Variants in ACTR3C observed in about 807,000 individuals in gnomAD.
ACTR3C encodes actin-related protein 3C.
ACTR3C carries 18 observed loss-of-function variants against 26.3 expected under a neutral mutation model. The observed-to-expected ratio is 0.68, with a 90% CI of 0.47 to 1.01. The LOEUF is 1.01. Among genes scored for constraint, ACTR3C ranks in the 50% least tolerant of loss-of-function variants. The pLI, the probability that ACTR3C is intolerant of heterozygous loss-of-function variation, is 0.00. For synonymous variants in ACTR3C, 55 were observed against 94.5 expected (o/e 0.58, Z 2.42); for missense variants, 184 against 250.7 (o/e 0.73, Z 1.80).
intron 1 of ACTR3C, among the ~76,000 whole-genome samples, chr7:150,304,091 G>A (rs188070100): frequency 1.6e-4 from 25 of 152,324 alleles, no homozygotes; most frequent in African/African-American, 6.0e-4. Context: ...TCAAGGAAGC[G>A]AGAATAGGAG....
the ACTR3C span, among the ~76,000 whole-genome samples, chr7:150,173,276 T>C: frequency 1.4e-5 from 2 of 147,042 alleles, no homozygotes; most frequent in Non-Finnish European, 2.9e-5. Flanking sequence ...AGGTGGAGGT[T>C]CCCAAACACA....
the ACTR3C span, among the ~76,000 whole-genome samples, chr7:150,142,457 C>T: frequency 6.6e-6 from 1 of 152,206 alleles, no homozygotes; most frequent in Non-Finnish European, 1.5e-5. Flanking sequence ...CCTCACTAAC[C>T]TCTTACACAG....
At chr7:150,203,042 T>C in the ACTR3C span, among the ~76,000 whole-genome samples, 1 of 152,240 alleles carries the variant, frequency 6.6e-6, no homozygotes, top group Admixed American at 6.5e-5. Flanking sequence ...AATTATTTAG[T>C]ACGTTACATA....
chr7:150,098,352 A>G, the ACTR3C span, among the ~76,000 whole-genome samples: 1 of 151,696 alleles, frequency 6.6e-6, no homozygotes, highest in Non-Finnish European at 1.5e-5. Context: ...TTAGTCATCT[A>G]CAAATTATAT....
the ACTR3C span, among the ~76,000 whole-genome samples, chr7:149,940,552 G>C: frequency 6.6e-6 from 1 of 152,150 alleles, no homozygotes; most frequent in Non-Finnish European, 1.5e-5. Context: ...TGCCCCTATA[G>C]TACTCTGGGC....
At chr7:150,307,945 C>T (rs1398119065) in intron 1 of ACTR3C, among the ~76,000 whole-genome samples, 1 of 152,174 alleles carries the variant, frequency 6.6e-6, no homozygotes, top group Non-Finnish European at 1.5e-5. Context: ...CTCTCCCTTC[C>T]CTTCATTTCC....
At chr7:149,950,595 G>T in the ACTR3C span, among the ~76,000 whole-genome samples, 1 of 150,924 alleles carries the variant, frequency 6.6e-6, no homozygotes, top group African/African-American at 2.5e-5. Flanking sequence ...CATCATAGAG[G>T]CAATCCCACA....
At chr7:150,251,352 C>T (rs372756244) in intron 6 of ACTR3C, among the ~76,000 whole-genome samples, 2 of 151,894 alleles carry the variant, frequency 1.3e-5, no homozygotes, top group African/African-American at 4.8e-5. Context: ...AAATTAACTG[C>T]GTTTTTTTCC....
chr7:150,124,783 T>TAAC, the ACTR3C span, among the ~76,000 whole-genome samples: 2,482 of 152,254 alleles, frequency 0.016, 68 homozygotes, highest in African/African-American at 0.057. Flanking sequence ...ACAGTAACAG[T>TAAC]AGCAACAAGA....
At chr7:149,913,589 A>T in the ACTR3C span, among the ~76,000 whole-genome samples, 1 of 152,002 alleles carries the variant, frequency 6.6e-6, no homozygotes, top group Non-Finnish European at 1.5e-5. Flanking sequence ...GAAACTCCGG[A>T]AACAGATTCC....
intron 1 of ACTR3C, among the ~76,000 whole-genome samples, chr7:150,315,290 C>T (rs1417724028): frequency 1.3e-5 from 2 of 152,032 alleles, no homozygotes; most frequent in Non-Finnish European, 2.9e-5. Context: ...TGATAAACTT[C>T]TGTCCTGCTA....
chr7:150,232,282 T>A, the ACTR3C span, among the ~76,000 whole-genome samples: 1 of 152,238 alleles, frequency 6.6e-6, no homozygotes, highest in East Asian at 1.9e-4. Context: ...TTCCTGTAGA[T>A]TAAATATAGT....
At chr7:149,897,530 C>T in the ACTR3C span, among the ~76,000 whole-genome samples, 84,503 of 151,624 alleles carry the variant, frequency 0.56, 23,628 homozygotes, top group South Asian at 0.73. Context: ...TTATCTGGAA[C>T]CTCCAATTTA....
chr7:150,198,043 G>A, the ACTR3C span, among the ~76,000 whole-genome samples: 1 of 151,384 alleles, frequency 6.6e-6, no homozygotes, highest in Non-Finnish European at 1.5e-5. Flanking sequence ...ACGGGGTTTC[G>A]CTGTGTTGGC....
the ACTR3C span, among the ~76,000 whole-genome samples, chr7:150,039,200 C>T: frequency 1.4e-5 from 2 of 147,718 alleles, no homozygotes; most frequent in African/African-American, 2.5e-5. Context: ...GGGGGTGCCT[C>T]CCACCTCTGC....
chr7:150,100,087 A>G, the ACTR3C span, among the ~76,000 whole-genome samples: 10 of 151,642 alleles, frequency 6.6e-5, no homozygotes, highest in South Asian at 2.1e-4. Context: ...CTCTTCTGAT[A>G]TAGAGACTGG....
the ACTR3C span, among the ~76,000 whole-genome samples, chr7:150,042,459 CA>C: frequency 2.1e-5 from 3 of 144,238 alleles, no homozygotes; most frequent in African/African-American, 7.8e-5. Context: ...TGCAAAGAGC[CA>C]GGGGAGGAAA....
chr7:150,079,473 G>A, the ACTR3C span, among the ~76,000 whole-genome samples: 1 of 152,184 alleles, frequency 6.6e-6, no homozygotes, highest in South Asian at 2.1e-4. Flanking sequence ...CTTACTCTGA[G>A]TGGTAAGGTG....
chr7:150,080,918 T>C, the ACTR3C span, among the ~76,000 whole-genome samples: 2 of 152,198 alleles, frequency 1.3e-5, no homozygotes. Context: ...TTGTAAGCTA[T>C]TACTAAATCA....
Sources: allele counts gnomAD v4.1 joint callset (sites outside exome capture counted in the v4.1 genomes callset), GRCh38; gene constraint gnomAD v4.1.1; transcripts MANE v1.5; gene names NCBI Gene and HGNC (gene_info 2026-07-23, HGNC 2026-07-21).